PDLIM5: variants seen among roughly 807,000 people sequenced by gnomAD.
PDLIM5 encodes PDZ and LIM domain 5, also known as PDZ and LIM domain protein 5.
A neutral mutation model predicts 64.2 loss-of-function variants in PDLIM5; 34 were observed. The ratio of observed to expected loss-of-function variants is 0.53; its 90% CI spans 0.40 to 0.71. The LOEUF (loss-of-function observed/expected upper bound fraction) is 0.71. Ranked by LOEUF, PDLIM5 falls within the 30% of genes least tolerant of loss-of-function variation. The pLI is 0.00. For missense variants in PDLIM5, 683 were observed against 733.6 expected (o/e 0.93, Z 0.80); for synonymous variants, 253 against 269.1 (o/e 0.94, Z 0.59).
At chr4:94,581,119 C>T (rs1735697934) in intron 5 of PDLIM5, among the ~76,000 whole-genome samples, 2 of 152,020 alleles carry the variant, frequency 1.3e-5, no homozygotes, top group South Asian at 4.2e-4. Context: ...TTGCAGTTTG[C>T]CCAGGGCATG....
chr4:94,587,717 T>G, intron 7 of PDLIM5: 2 of 984,810 alleles, frequency 2.0e-6, no homozygotes, highest in Non-Finnish European at 2.4e-6. Context: ...ATTTTACCCC[T>G]ATTTGCAATG....
intron 2 of PDLIM5, among the ~76,000 whole-genome samples, chr4:94,488,087 A>G (rs951441684): frequency 4.6e-5 from 7 of 152,180 alleles, no homozygotes; most frequent in African/African-American, 1.7e-4. Flanking sequence ...GAATTAACCC[A>G]TTCCTTTTGG....
At chr4:94,615,198 A>G (rs1738680710) in intron 7 of PDLIM5, among the ~76,000 whole-genome samples, 1 of 152,304 alleles carries the variant, frequency 6.6e-6, no homozygotes, top group East Asian at 1.9e-4. Flanking sequence ...ACCCACAGTC[A>G]CAGTAAAGTC....
chr4:94,541,537 G>C lies in PDLIM5; in HGVS notation c.248+17662G>C, dbSNP rs556480681. 1.2e-4 allele frequency among the ~76,000 whole-genome samples: 19 copies of C among 152,368 alleles called. 1 individual carries two copies. Among genetic ancestry groups the C allele is most frequent in the Admixed American group, 6.5e-5 (1 of 15,304 alleles). Reference sequence around the variant, plus strand: ...TCCTAGCCACAGATTGGCAAGGACAGTTTTGTGGGGGCAGCCCCACATGCC... The same window carrying C: ...TCCTAGCCACAGATTGGCAAGGACACTTTTGTGGGGGCAGCCCCACATGCC... On this transcript the variant is annotated intron_variant, in intron 3 of 12. Coordinates refer to ENST00000317968, the MANE Select transcript of PDLIM5 (RefSeq NM_006457.5).
At chr4:94,512,506 G>A (rs1433012047) in intron 2 of PDLIM5, among the ~76,000 whole-genome samples, 1 of 152,112 alleles carries the variant, frequency 6.6e-6, no homozygotes, top group African/African-American at 2.4e-5. Flanking sequence ...GTTTTGATTT[G>A]CATTTCTCTG....
intron 2 of PDLIM5, among the ~76,000 whole-genome samples, chr4:94,468,252 A>C (rs1578204372): frequency 1.3e-5 from 2 of 152,082 alleles, no homozygotes; most frequent in African/African-American, 4.8e-5. Context: ...TCCTGGTCTC[A>C]AGCGATCCTC....
At chr4:94,527,291 G>A (rs1322324949) in intron 3 of PDLIM5, among the ~76,000 whole-genome samples, 4 of 151,604 alleles carry the variant, frequency 2.6e-5, no homozygotes, top group African/African-American at 4.8e-5. Context: ...TCTTGACCCC[G>A]TGATCTGCCC....
At chr4:94,644,579 G>A (rs1337386109) in intron 9 of PDLIM5, among the ~76,000 whole-genome samples, 2 of 150,618 alleles carry the variant, frequency 1.3e-5, no homozygotes. Context: ...AGGCTGGAGT[G>A]CAGTGGTGCG....
intron 3 of PDLIM5, among the ~76,000 whole-genome samples, chr4:94,563,171 G>T (rs971667155): frequency 6.6e-6 from 1 of 152,094 alleles, no homozygotes; most frequent in Admixed American, 6.5e-5. Context: ...TGGCTTTTAA[G>T]TTCCTATTTT....
rs114668066 is a variant in PDLIM5, at chr4:94,615,472, G to A, written c.921-2532G>A. On this transcript the variant is annotated intron_variant, in intron 7 of 12. Transcript: ENST00000317968. ...ATTAATTATGGATAAGATGTGGATGGGTGCAGAGAGAGAGTAGGAAGAGGT... is the reference window on the plus strand; with the variant it reads ...ATTAATTATGGATAAGATGTGGATGAGTGCAGAGAGAGAGTAGGAAGAGGT... Among the ~76,000 whole-genome samples the A allele has an allele frequency of 2.3e-3, 349 of 152,162 alleles. 2 individuals are homozygous for A. The highest frequency in any genetic ancestry group is 8.0e-3 in the African/African-American group (334 of 41,518).
At chr4:94,456,096 AG>A in intron 2 of PDLIM5, 1 of 814,232 alleles carries the variant, frequency 1.2e-6, no homozygotes, top group East Asian at 3.0e-5. Flanking sequence ...TTTCATCACC[AG>A]TAGGTAATTA....
intron 5 of PDLIM5, among the ~76,000 whole-genome samples, chr4:94,579,999 T>C: frequency 6.6e-6 from 1 of 152,172 alleles, no homozygotes; most frequent in East Asian, 1.9e-4. Flanking sequence ...TTCAGACCTC[T>C]ATATGTACAG....
At chr4:94,534,168 GTTC>G (rs1731122722) in intron 3 of PDLIM5, among the ~76,000 whole-genome samples, 3 of 152,116 alleles carry the variant, frequency 2.0e-5, no homozygotes, top group Admixed American at 2.0e-4. Flanking sequence ...TGCAAATGTA[GTTC>G]TTCTTTACTG....
chr4:94,536,706 A>T (rs1335393242), intron 3 of PDLIM5, among the ~76,000 whole-genome samples: 4 of 152,208 alleles, frequency 2.6e-5, no homozygotes. Flanking sequence ...TAGTGAGGTA[A>T]ATAGTGACAA....
intron 7 of PDLIM5, among the ~76,000 whole-genome samples, chr4:94,588,488 G>A (rs948306652): frequency 1.5e-4 from 23 of 152,104 alleles, no homozygotes; most frequent in Admixed American, 1.4e-3. Flanking sequence ...GCTTGAACCC[G>A]GGAGGCGAAG....
In PDLIM5 at chr4:94,665,832, T is replaced by G; in HGVS notation, c.*1765T>G. 1 of 1,330,806 alleles carries G rather than the reference T, an allele frequency of 7.5e-7. No individual in the cohort carries two copies. The highest frequency in any genetic ancestry group is 2.2e-5 in the South Asian group (1 of 44,768). The allele number at this position is 1,330,806 out of a possible 1,614,324, so 82.4% of individuals were successfully genotyped here. ...TTTGGAAAGCTTTTATTCACAGAGG[T>G]TGGGTAGTGTTGGGAGGGGAGTTTA... On this transcript the variant is annotated 3_prime_UTR_variant, in exon 13 of 13. Transcript: ENST00000317968.
intron 1 of PDLIM5, among the ~76,000 whole-genome samples, chr4:94,453,974 C>G (rs147045554): frequency 0.012 from 1,836 of 152,124 alleles, 13 homozygotes; most frequent in Non-Finnish European, 0.016. Context: ...CTTTAAAAAC[C>G]AGGCTTATTT....
intron 3 of PDLIM5, among the ~76,000 whole-genome samples, chr4:94,558,957 T>G (rs771669082): frequency 1.4e-4 from 22 of 152,202 alleles, no homozygotes; most frequent in Non-Finnish European, 2.4e-4. Flanking sequence ...TCTAAAGCAT[T>G]TCAGTTATAG....
At chr4:94,470,733 A>G (rs1347573933) in intron 2 of PDLIM5, among the ~76,000 whole-genome samples, 2 of 152,206 alleles carry the variant, frequency 1.3e-5, no homozygotes, top group Non-Finnish European at 2.9e-5. Flanking sequence ...CATCAGTATC[A>G]TATAGCTCTA....
Sources: allele counts gnomAD v4.1 joint callset (sites outside exome capture counted in the v4.1 genomes callset), GRCh38; gene constraint gnomAD v4.1.1; transcripts MANE v1.5; gene names NCBI Gene and HGNC (gene_info 2026-07-23, HGNC 2026-07-21).